The following SV2C variants were observed in gnomAD, a reference collection of about 807,000 sequenced individuals.
SV2C encodes the protein solute carrier family 22 member B3.
Under a neutral mutation model 79.7 loss-of-function variants are expected in SV2C, and 49 were observed. The observed-to-expected ratio is 0.61, with a 90% CI of 0.49 to 0.78. SV2C has a LOEUF of 0.78. Among genes scored for constraint, SV2C ranks in the 30% least tolerant of loss-of-function variants. The pLI is 0.00. For synonymous variants in SV2C, 334 were observed against 333.2 expected (o/e 1.00, Z -0.03); for missense variants, 833 against 912.9 (o/e 0.91, Z 1.13).
intron 2 of SV2C, among the ~76,000 whole-genome samples, chr5:76,154,646 A>G (rs1414132098): frequency 1.3e-5 from 2 of 152,210 alleles, no homozygotes; most frequent in African/African-American, 4.8e-5. Flanking sequence ...CACTTCCGCC[A>G]TGATAGCATG....
chr5:75,915,298 T>C, the SV2C span, among the ~76,000 whole-genome samples: 310 of 152,332 alleles, frequency 2.0e-3, 1 homozygote, highest in African/African-American at 7.2e-3. Flanking sequence ...ATCATACTCC[T>C]AATCATGACA....
the SV2C span, among the ~76,000 whole-genome samples, chr5:76,031,155 G>T: frequency 1.3e-5 from 2 of 152,170 alleles, no homozygotes; most frequent in Non-Finnish European, 2.9e-5. Flanking sequence ...TTGGTGAAGG[G>T]ATTGCATCAG....
chr5:76,082,569 TTC>T, upstream of SV2C, among the ~76,000 whole-genome samples: 1 of 149,998 alleles, frequency 6.7e-6, no homozygotes, highest in African/African-American at 2.5e-5. Flanking sequence ...CTTTCTTTCT[TTC>T]TCTTTTTCTT....
chr5:76,268,391 T>A (rs1168009280), intron 4 of SV2C, among the ~76,000 whole-genome samples: 1 of 152,132 alleles, frequency 6.6e-6, no homozygotes, highest in East Asian at 1.9e-4. Context: ...AGGCAGGAGC[T>A]TCGAGAGACC....
chr5:76,088,403 A>G (rs917023731), intron 1 of SV2C, among the ~76,000 whole-genome samples: 1 of 152,178 alleles, frequency 6.6e-6, no homozygotes, highest in Non-Finnish European at 1.5e-5. Context: ...ATGGAAATTT[A>G]TTGCTCACAA....
At chr5:76,252,657 G>A (rs1297722131) in intron 4 of SV2C, among the ~76,000 whole-genome samples, 2 of 152,148 alleles carry the variant, frequency 1.3e-5, no homozygotes, top group African/African-American at 4.8e-5. Context: ...ATCCTTTTGT[G>A]GTCAGGTGGT....
In SV2C at chr5:76,349,689, A is replaced by G. The variant is rs373534377; in HGVS notation, c.2001-3441A>G. ...CCTTCATTTTTTTTTTTTTTTTTTG[A>G]AGCAAAGTCTCACTTTGTCACCCAG... On this transcript the variant is annotated intron_variant, in intron 12 of 12. Transcript: ENST00000322285. Among the ~76,000 whole-genome samples, 9 of 131,170 alleles carry G rather than the reference A, an allele frequency of 6.9e-5. No individual in the cohort carries two copies. In the East Asian group the frequency reaches 1.2e-3, roughly 18 times the overall value. The allele number at this position is 131,170 out of a possible 152,430, so 86.1% of individuals were successfully genotyped here.
chr5:75,896,681 C>G, the SV2C span, among the ~76,000 whole-genome samples: 1 of 151,450 alleles, frequency 6.6e-6, no homozygotes, highest in Non-Finnish European at 1.5e-5. Context: ...TACAGTCCCA[C>G]CAACAGTGTA....
intron 1 of SV2C, among the ~76,000 whole-genome samples, chr5:76,120,781 G>C (rs948892709): frequency 2.0e-5 from 3 of 148,452 alleles, no homozygotes; most frequent in Non-Finnish European, 4.5e-5. Context: ...TGGACATTTG[G>C]GTTGGTTCCA....
chr5:76,098,845 G>A (rs1747645949), intron 1 of SV2C, among the ~76,000 whole-genome samples: 1 of 152,162 alleles, frequency 6.6e-6, no homozygotes, highest in Admixed American at 6.5e-5. Flanking sequence ...TTTAATATCA[G>A]GAGAATGATG....
chr5:76,256,284 C>T (rs187962818), intron 4 of SV2C, among the ~76,000 whole-genome samples: 211 of 152,268 alleles, frequency 1.4e-3, no homozygotes, highest in African/African-American at 4.8e-3. Context: ...TGAATGCGAG[C>T]CCTGGAGGAA....
chr5:76,030,761 C>CA, the SV2C span, among the ~76,000 whole-genome samples: 100 of 134,738 alleles, frequency 7.4e-4, 1 homozygote, highest in South Asian at 7.1e-3. Flanking sequence ...GACTCTGTCT[C>CA]AAAAAAAAAA....
the SV2C span, among the ~76,000 whole-genome samples, chr5:75,976,854 T>G: frequency 3.9e-5 from 6 of 152,228 alleles, no homozygotes; most frequent in Admixed American, 2.6e-4. Context: ...ACTTTTGTAA[T>G]TCGAAAAGCT....
the SV2C span, among the ~76,000 whole-genome samples, chr5:75,855,999 A>G: frequency 2.6e-4 from 40 of 152,230 alleles, no homozygotes; most frequent in African/African-American, 9.4e-4. Context: ...CATGAGTTCA[A>G]TTGCTTTAAT....
chr5:76,107,374 C>T (rs1747953296), intron 1 of SV2C, among the ~76,000 whole-genome samples: 1 of 152,210 alleles, frequency 6.6e-6, no homozygotes. Context: ...CAATATACCT[C>T]ACACGGTTTA....
intron 2 of SV2C, among the ~76,000 whole-genome samples, chr5:76,174,602 G>C (rs1743464592): frequency 6.6e-6 from 1 of 152,236 alleles, no homozygotes; most frequent in Admixed American, 6.5e-5. Context: ...TGAAGGCCCA[G>C]ATAGTGAATA....
chr5:76,185,486 T>C (rs183582253), intron 2 of SV2C, among the ~76,000 whole-genome samples: 38 of 152,152 alleles, frequency 2.5e-4, no homozygotes, highest in Admixed American at 1.4e-3. Flanking sequence ...CATCCAGGAG[T>C]TTCCATACAT....
chr5:75,917,954 C>T, the SV2C span, among the ~76,000 whole-genome samples: 1 of 151,824 alleles, frequency 6.6e-6, no homozygotes, highest in African/African-American at 2.4e-5. Flanking sequence ...TACTATGTAC[C>T]CACAAAAATT....
At chr5:75,973,453 C>T in the SV2C span, among the ~76,000 whole-genome samples, 1 of 151,546 alleles carries the variant, frequency 6.6e-6, no homozygotes, top group East Asian at 1.9e-4. Context: ...TATGATCATG[C>T]CACTGCACTC....
Sources: allele counts gnomAD v4.1 joint callset (sites outside exome capture counted in the v4.1 genomes callset), GRCh38; gene constraint gnomAD v4.1.1; transcripts MANE v1.5; gene names NCBI Gene and HGNC (gene_info 2026-07-23, HGNC 2026-07-21).